The following OR8G1 variants were observed in gnomAD, a reference collection of about 807,000 sequenced individuals.
The protein encoded by OR8G1 is olfactory receptor family 8 subfamily G member 1.
For synonymous variants in OR8G1, 129 were observed against 133.3 expected, an observed-to-expected ratio of 0.97 and a Z score of 0.22; for missense variants, 372 against 356.2, an observed-to-expected ratio of 1.04 and a Z score of -0.36.
At chr11:124,246,811 A>T (rs12363393) in intron 1 of OR8G1, among the ~76,000 whole-genome samples, 46,867 of 150,432 alleles carry the variant, frequency 0.31, 8,304 homozygotes, top group East Asian at 0.44. Context: ...CATAATTCAG[A>T]TTGTATTCAT....
At chr11:124,246,293 G>C (rs1052236845) in intron 1 of OR8G1, among the ~76,000 whole-genome samples, 5 of 151,818 alleles carry the variant, frequency 3.3e-5, no homozygotes, top group African/African-American at 1.2e-4. Context: ...TTTATTCCTA[G>C]GTATTTGATG....
intron 1 of OR8G1, among the ~76,000 whole-genome samples, chr11:124,244,780 T>C (rs1182581684): frequency 6.6e-6 from 1 of 151,966 alleles, no homozygotes; most frequent in Admixed American, 6.6e-5. Flanking sequence ...TACTCCCATA[T>C]CGGGCTAAAT....
At chr11:124,248,001 C>T (rs942699533) in intron 2 of OR8G1, 121 bp downstream of exon 2, 5 of 151,818 alleles carry the variant, frequency 3.3e-5, no homozygotes, top group Non-Finnish European at 5.9e-5. Context: ...TTTATAAGTC[C>T]AGTTACTTCA....
intron 1 of OR8G1, among the ~76,000 whole-genome samples, chr11:124,243,884 G>A (rs1441620340): frequency 6.6e-6 from 1 of 151,856 alleles, no homozygotes; most frequent in Non-Finnish European, 1.5e-5. Context: ...GTATATCTAT[G>A]TAACAAACCT....
chr11:124,245,416 G>A (rs530135278), intron 1 of OR8G1, among the ~76,000 whole-genome samples: 15 of 150,832 alleles, frequency 9.9e-5, no homozygotes, highest in Non-Finnish European at 2.2e-4. Context: ...GTCTATCATT[G>A]TTGGACATTT....
intron 1 of OR8G1, among the ~76,000 whole-genome samples, chr11:124,243,653 A>G (rs1194517179): frequency 6.6e-6 from 1 of 152,018 alleles, no homozygotes; most frequent in Non-Finnish European, 1.5e-5. Context: ...TTTTATCTGT[A>G]CATTAAATGA....
At chr11:124,248,613 G>T (rs1343312978) in intron 2 of OR8G1, among the ~76,000 whole-genome samples, 1 of 151,576 alleles carries the variant, frequency 6.6e-6, no homozygotes, top group Non-Finnish European at 1.5e-5. Context: ...TTTTACTTTG[G>T]CACATGCAAT....
chr11:124,244,578 CA>C (rs67338915), intron 1 of OR8G1, among the ~76,000 whole-genome samples: 22,086 of 151,476 alleles, frequency 0.15, 1,693 homozygotes, highest in African/African-American at 0.2. Flanking sequence ...TTGGCTATGA[CA>C]AAAAAAGTTC....
At chr11:124,243,021 T>G (rs2512262) in intron 1 of OR8G1, among the ~76,000 whole-genome samples, 5,686 of 152,014 alleles carry the variant, frequency 0.037, 138 homozygotes, top group East Asian at 0.1. Context: ...AGTTTCACAG[T>G]TTAATTCCAT....
At chr11:124,243,510 CTTA>C (rs1193332063) in intron 1 of OR8G1, among the ~76,000 whole-genome samples, 3 of 151,956 alleles carry the variant, frequency 2.0e-5, no homozygotes, top group African/African-American at 7.2e-5. Context: ...CACATCATCC[CTTA>C]TTATGGTGAA....
intron 1 of OR8G1, among the ~76,000 whole-genome samples, chr11:124,244,156 G>A (rs1861789166): frequency 1.3e-5 from 2 of 151,718 alleles, no homozygotes; most frequent in Admixed American, 1.3e-4. Flanking sequence ...TGGAGAGAGG[G>A]AGAGAGAGAT....
rs773602662 is a variant in OR8G1 at position 124,253,594 on chromosome 11, G to A, written c.*2983G>A. 9.9e-5 allele frequency: 15 copies of A among 152,094 alleles called. No individual in the cohort carries two copies. The highest frequency in any genetic ancestry group is 4.6e-4 in the Admixed American group (7 of 15,264). 9.4% of individuals were successfully genotyped at this position (152,094 alleles called of 1,614,324 possible). A position where few individuals can be genotyped will look rare whatever the true frequency, so the allele number is the denominator to read the frequency against. ...TATATTACCTAACATATTTATTTGT[G>A]TGTGTGTGGTGAGAACACTAATCCA... On this transcript the variant is annotated 3_prime_UTR_variant, in exon 3 of 3. Transcript: ENST00000641972.
rs977808341 is a variant in OR8G1, at chr11:124,241,315, G to C, written c.-146G>C. 19 of 152,124 alleles carry C rather than the reference G, an allele frequency of 1.2e-4. No homozygotes were observed. The highest frequency in any genetic ancestry group is 3.6e-4 in the African/African-American group (15 of 41,434). 9.4% of individuals were successfully genotyped at this position (152,124 alleles called of 1,614,324 possible). ...AAGCCAACATTCTCCATGTCAGGAA[G>C]AGGAAATTGCAAGTAAAATCAAGCA... On this transcript the variant is annotated 5_prime_UTR_variant, in exon 1 of 3. Transcript: ENST00000641972.
At chr11:124,243,962 GA>G (rs1861785186) in intron 1 of OR8G1, among the ~76,000 whole-genome samples, 1 of 151,504 alleles carries the variant, frequency 6.6e-6, no homozygotes, top group South Asian at 2.1e-4. Flanking sequence ...AAGAGCTAGA[GA>G]GAGAATGAGG....
Position 124,250,663 on chromosome 11 carries a change from T to C in OR8G1, c.*52T>C. ...TAATCCTAAGTAGTGGACTGTTACA[T>C]TGTATGAATGGATGTCTTTCACTTT... On this transcript the variant is annotated 3_prime_UTR_variant, in exon 3 of 3. Coordinates refer to ENST00000641972, the MANE Select transcript of OR8G1 (RefSeq NM_001002905.2). The C allele has an allele frequency of 2.2e-6, 1 of 455,966 alleles. No individual in the cohort carries two copies. Among genetic ancestry groups the C allele is most frequent in the Non-Finnish European group, 3.5e-6 (1 of 283,896 alleles). The allele number at this position is 455,966 out of a possible 1,614,324, so 28.2% of individuals were successfully genotyped here.
intron 1 of OR8G1, among the ~76,000 whole-genome samples, chr11:124,243,588 T>C (rs1861780789): frequency 6.6e-6 from 1 of 151,974 alleles, no homozygotes; most frequent in Non-Finnish European, 1.5e-5. Context: ...TCCTGTTGGG[T>C]TGTATAAACA....
chr11:124,249,905 T>A lies in OR8G1; in HGVS notation c.230T>A (p.Ile77Asn). ...SFIDFCHSTV[I>N]TPKMLVNFVT... Reference sequence around the variant, plus strand: ...ATTGACTTCTGCCATTCCACTGTCATTACCCCTAAGATGCTGGTGAACTTT... The same window carrying A: ...ATTGACTTCTGCCATTCCACTGTCAATACCCCTAAGATGCTGGTGAACTTT... The change falls in exon 3 of 3, where the codon ATT becomes AAT. Residue 77 changes from isoleucine (I) to asparagine (N), a missense_variant. By Grantham distance (149) the Ile-to-Asn change is moderately radical (BLOSUM62 -3). Transcript: ENST00000641972. The A allele has an allele frequency of 6.2e-7, 1 of 1,614,044 alleles. No individual in the cohort carries two copies.
chr11:124,242,432 T>C (rs1046760007), intron 1 of OR8G1, among the ~76,000 whole-genome samples: 3 of 152,084 alleles, frequency 2.0e-5, no homozygotes, highest in Non-Finnish European at 2.9e-5. Context: ...TATGGCATAA[T>C]GAAGTTACTG....
intron 1 of OR8G1, among the ~76,000 whole-genome samples, chr11:124,247,248 A>G (rs547411789): frequency 2.2e-4 from 34 of 151,946 alleles, no homozygotes; most frequent in Non-Finnish European, 4.4e-4. Flanking sequence ...TATTTGAGTA[A>G]TACAATTGGA....
Sources: gnomAD v4.1 joint callset for allele counts (sites outside exome capture counted in the v4.1 genomes callset) on GRCh38, gnomAD v4.1.1 for gene constraint, MANE v1.5 for transcripts, NCBI Gene and HGNC (gene_info 2026-07-23, HGNC 2026-07-21) for gene names.